ARID3A: variants seen among roughly 807,000 people sequenced by gnomAD.
The protein encoded by ARID3A is AT-rich interaction domain 3A.
In ARID3A, 11 loss-of-function variants were observed where a neutral mutation model predicts 52.7. The ratio of observed to expected loss-of-function variants is 0.21; its 90% confidence interval spans 0.13 to 0.35. The LOEUF (loss-of-function observed/expected upper bound fraction) is 0.35, where lower values mean the gene tolerates loss of function less well. Ranked by LOEUF, ARID3A falls within the 10% of genes least tolerant of loss-of-function variation. ARID3A has a pLI of 1.00. For missense variants in ARID3A, 721 were observed against 838.5 expected (o/e 0.86, Z 1.73); for synonymous variants, 404 against 359.4 (o/e 1.12, Z -1.40).
rs938610644 is a variant in ARID3A at position 930,278 on chromosome 19, G to C, written c.368+382G>C. ...AGAAAAATGGTTTTTTTAGCCGGGT[G>C]CTGTGGCTTACGCCCGTAATCCCAG... On this transcript the variant is annotated intron_variant, in intron 2 of 8. Coordinates refer to ENST00000263620, the MANE Select transcript of ARID3A (RefSeq NM_005224.3). Among the ~76,000 whole-genome samples, 4 of 152,050 alleles carry C rather than the reference G, an allele frequency of 2.6e-5. No individual in the cohort carries two copies. In the East Asian group the frequency reaches 7.9e-4, roughly 30 times the overall value.
Position 965,262 on chromosome 19 carries a change from A to AT in ARID3A, c.1198+186dup, listed in dbSNP as rs143194189. 2.5e-3 allele frequency: 1,683 copies of AT among 680,952 alleles called. 31 individuals are homozygous for AT. The African/African-American group carries it at 0.026, about 11-fold the overall frequency. 42.2% of individuals were successfully genotyped at this position (680,952 alleles called of 1,614,324 possible). On this transcript the variant is annotated intron_variant, in intron 6 of 8. Coordinates refer to ENST00000263620, the MANE Select transcript of ARID3A (RefSeq NM_005224.3). ...TGGCAGACATTACCAATCCATCACCATTTTCTAATTCCACACAGGTGGCAG... is the reference window on the plus strand; with the variant it reads ...TGGCAGACATTACCAATCCATCACCATTTTTCTAATTCCACACAGGTGGCAG...
In ARID3A at chr19:929,317, C is replaced by T. The variant is rs571450886; in HGVS notation, c.-212C>T. 30 of 517,480 alleles carry T rather than the reference C, an allele frequency of 5.8e-5. No homozygotes were observed. In the East Asian group the frequency reaches 1.6e-3, roughly 27 times the overall value. 32.1% of individuals were successfully genotyped at this position (517,480 alleles called of 1,614,324 possible). On this transcript the variant is annotated 5_prime_UTR_variant, in exon 2 of 9. Transcript: ENST00000263620. This position sits in a 1 kb window ranked among gnomAD's most constrained non-coding sequence, Gnocchi z 6.2. ...CCAGCCTCTGTCCCCTGGAGCCCAG[C>T]GTGAGGAAGAGGCATGCCCCATCAG...
intron 3 of ARID3A, among the ~76,000 whole-genome samples, chr19:936,557 G>T (rs2037443117): frequency 6.6e-6 from 1 of 151,828 alleles, no homozygotes; most frequent in Non-Finnish European, 1.5e-5. Flanking sequence ...AAATAAGAAG[G>T]ATAGGGTGGG....
Position 972,891 on chromosome 19 carries a change from G to A in ARID3A, c.*826G>A, listed in dbSNP as rs2038310446. The A allele has an allele frequency of 5.2e-6, 1 of 193,536 alleles. No homozygotes were observed. The highest frequency in any genetic ancestry group is 7.7e-5 in the East Asian group (1 of 12,908). The allele number at this position is 193,536 out of a possible 1,614,324, so 12.0% of individuals were successfully genotyped here. A position where few individuals can be genotyped will look rare whatever the true frequency, so the allele number is the denominator to read the frequency against. ...TCCCTTTGTCCATTTCTGGGGGTGCGTTGGGCAGCTGTGAGCCCAGCACAT... is the reference window on the plus strand; with the variant it reads ...TCCCTTTGTCCATTTCTGGGGGTGCATTGGGCAGCTGTGAGCCCAGCACAT... On this transcript the variant is annotated 3_prime_UTR_variant, in exon 9 of 9. Coordinates refer to ENST00000263620, the MANE Select transcript of ARID3A (RefSeq NM_005224.3).
At chr19:969,573 T>C (rs948489885) in intron 8 of ARID3A, among the ~76,000 whole-genome samples, 4 of 151,686 alleles carry the variant, frequency 2.6e-5, no homozygotes, top group African/African-American at 9.7e-5. Flanking sequence ...GATATATCGA[T>C]AGATATAGCT....
chr19:964,353 A>C lies in ARID3A; in HGVS notation c.872A>C (p.Lys291Thr). The C allele has an allele frequency of 6.2e-7, 1 of 1,614,074 alleles. No individual in the cohort carries two copies. Among genetic ancestry groups the C allele is most frequent in the Non-Finnish European group, 8.5e-7 (1 of 1,179,986 alleles). ...GGCGGCCTCGTGGAGGTCATCAACA[A>C]GAAGCTGTGGCGTGAGATCACCAAG... ...EKGGLVEVIN[K>T]KLWREITKGL... is the part of the protein sequence containing the mutation. The change falls in exon 5 of 9, where the codon AAG (lysine) becomes ACG (threonine). Residue 291 changes from lysine to threonine, a missense_variant. Lys to Thr is a moderately conservative substitution (Grantham distance 78). Transcript: ENST00000263620. This position sits in a 1 kb window ranked among gnomAD's most constrained non-coding sequence, Gnocchi z 5.7.
chr19:928,989 C>G (rs1288654802), intron 1 of ARID3A: 1 of 152,520 alleles, frequency 6.6e-6, no homozygotes. Flanking sequence ...CCCATTCCCC[C>G]ACCCTGCTTG....
rs200677284 is a variant in ARID3A at position 932,712 on chromosome 19, C to T, written c.663C>T (p.Gly221=). ...CGCAGCTGCAGCCGCCTGACCACGG[C>T]GACTGGACTTACGAGGAGCAGTTTA... ...VAPQLQPPDH[G]DWTYEEQFKQ... is the part of the protein sequence containing the mutation. Residue 221 remains glycine (G), a synonymous_variant, in exon 3 of 9, where the codon GGC becomes GGT. Coordinates refer to ENST00000263620, the MANE Select transcript of ARID3A (RefSeq NM_005224.3). 113 of 1,547,246 alleles carry T rather than the reference C, an allele frequency of 7.3e-5. No individual in the cohort carries two copies. In the East Asian group the frequency reaches 1.3e-3, roughly 18 times the overall value.
rs35592836 is a variant in ARID3A, at chr19:948,702, CTTTTTTTTTTTT to C, written c.694-11376_694-11365del. Among the ~76,000 whole-genome samples the C allele has an allele frequency of 1.5e-3, 116 of 77,298 alleles. 1 individual carries two copies. Among genetic ancestry groups the C allele is most frequent in the African/African-American group, 5.8e-3 (111 of 19,056 alleles). 50.7% of individuals were successfully genotyped at this position (77,298 alleles called of 152,430 possible). A position where few individuals can be genotyped will look rare whatever the true frequency, so the allele number is the denominator to read the frequency against. ...GGGGACGAGGGATGAGGCCTGGAGT[CTTTTTTTTTTTT>C]TTTTTTTTTTTTTGAGACAAAGTTT... On this transcript the variant is annotated intron_variant, in intron 3 of 8. Transcript: ENST00000263620.
chr19:930,718 C>T (rs1235949221), intron 2 of ARID3A, among the ~76,000 whole-genome samples: 6 of 150,634 alleles, frequency 4.0e-5, no homozygotes, highest in African/African-American at 2.4e-5. Context: ...ACCATGTTAG[C>T]CAAGATGGTC....
chr19:929,724 C>A lies in ARID3A; in HGVS notation c.196C>A (p.Arg66=), dbSNP rs747883380. The A allele has an allele frequency of 1.3e-6, 2 of 1,560,592 alleles. No individual in the cohort carries two copies. The highest frequency in any genetic ancestry group is 8.6e-7 in the Non-Finnish European group (1 of 1,161,114). The change falls in exon 2 of 9, where the codon CGG becomes AGG. Residue 66 remains arginine (R), a synonymous_variant. Transcript: ENST00000263620. The surrounding 1 kb of genome is among the most constrained non-coding windows in gnomAD (Gnocchi z 6.2). ...RAQMAALAAM[R]AAAAGLGHPA... is the part of the protein sequence containing the mutation. Reference sequence around the variant, plus strand: ...TCAGATGGCCGCACTGGCAGCCATGCGGGCTGCAGCTGCGGGCCTGGGACA... The same window carrying A: ...TCAGATGGCCGCACTGGCAGCCATGAGGGCTGCAGCTGCGGGCCTGGGACA...
intron 3 of ARID3A, among the ~76,000 whole-genome samples, chr19:946,059 C>T (rs1049833856): frequency 1.3e-5 from 2 of 151,930 alleles, no homozygotes; most frequent in Non-Finnish European, 2.9e-5. Context: ...ATGAGGCTCG[C>T]GGAGGCAGGG....
Position 942,700 on chromosome 19 carries a change from G to A in ARID3A, c.693+9958G>A, listed in dbSNP as rs2037582632. Among the ~76,000 whole-genome samples, 1 of 152,192 alleles carries A rather than the reference G, an allele frequency of 6.6e-6. No homozygotes were observed. The highest frequency in any genetic ancestry group is 2.4e-5 in the African/African-American group (1 of 41,452). ...CTGGTTCTGGCCAGGCTCAGGAAGTGAGCTCCCTGGGGACCCAGGCCCCAT... is the reference window on the plus strand; with the variant it reads ...CTGGTTCTGGCCAGGCTCAGGAAGTAAGCTCCCTGGGGACCCAGGCCCCAT... On this transcript the variant is annotated intron_variant, in intron 3 of 8. Coordinates refer to ENST00000263620, the MANE Select transcript of ARID3A (RefSeq NM_005224.3). This position sits in a 1 kb window ranked among gnomAD's most constrained non-coding sequence, Gnocchi z 8.1.
At position 964,558 on chromosome 19, in the gene ARID3A, GCACAGGGCCACAC is replaced by G; in HGVS notation, c.950+129_950+141del. On this transcript the variant is annotated intron_variant, in intron 5 of 8. Coordinates refer to ENST00000263620, the MANE Select transcript of ARID3A (RefSeq NM_005224.3). The surrounding 1 kb of genome is among the most constrained non-coding windows in gnomAD (Gnocchi z 5.7). ...AGGGGGCAGTGGGCAGCCGCAAAGG[GCACAGGGCCACAC>G]CGTGCGTCCAGGGCCCGAGAGCGTC... 7.6e-7 allele frequency: 1 copy of G among 1,318,490 alleles called. No homozygotes were observed. Among genetic ancestry groups the G allele is most frequent in the South Asian group, 1.4e-5 (1 of 68,976 alleles). The allele number at this position is 1,318,490 out of a possible 1,614,324, so 81.7% of individuals were successfully genotyped here.
rs1045104173 is a variant in ARID3A, at chr19:942,567, C to T, written c.693+9825C>T. On this transcript the variant is annotated intron_variant, in intron 3 of 8. Transcript: ENST00000263620. This position sits in a 1 kb window ranked among gnomAD's most constrained non-coding sequence, Gnocchi z 8.1. ...ATCTGGCCATTGAAGGCCCAAGCGC[C>T]GGGATATGCAGCCTTGCCCCTTGGT... Among the ~76,000 whole-genome samples, 6 of 152,194 alleles carry T rather than the reference C, an allele frequency of 3.9e-5. No individual in the cohort carries two copies. The highest frequency in any genetic ancestry group is 7.2e-5 in the African/African-American group (3 of 41,454).
Position 971,970 on chromosome 19 carries a change from G to A in ARID3A, c.1687G>A (p.Gly563Ser), listed in dbSNP as rs779323045. Reference sequence around the variant, plus strand: ...CGGCGGCAGCAGCAGCAACGCAGGCGGCCGGGGAGGAAACACCGGAACCAG... The same window carrying A: ...CGGCGGCAGCAGCAGCAACGCAGGCAGCCGGGGAGGAAACACCGGAACCAG... ...GGGGSSSNAG[G>S]RGGNTGTSGG... The change falls in exon 9 of 9, where the codon GGC becomes AGC. Residue 563 changes from glycine (G) to serine (S), a missense_variant. Transcript: ENST00000263620. 27 of 1,602,264 alleles carry A rather than the reference G, an allele frequency of 1.7e-5. No homozygotes were observed. The highest frequency in any genetic ancestry group is 5.1e-5 in the Admixed American group (3 of 58,362).
chr19:971,924 C>T lies in ARID3A; in HGVS notation c.1641C>T (p.Pro547=). ...QPPAPTPTSA[P]NKGGGGGGGS... ...CGGCCCCCACGCCAACCTCTGCTCCCAACAAAGGAGGCGGCGGCGGCGGCG... is the reference window on the plus strand; with the variant it reads ...CGGCCCCCACGCCAACCTCTGCTCCTAACAAAGGAGGCGGCGGCGGCGGCG... Residue 547 remains proline, a synonymous_variant, in exon 9 of 9, where the codon CCC becomes CCT. Transcript: ENST00000263620. 1.2e-6 allele frequency: 2 copies of T among 1,604,092 alleles called. No homozygotes were observed. Among genetic ancestry groups the T allele is most frequent in the Non-Finnish European group, 1.7e-6 (2 of 1,175,584 alleles).
At position 929,575 on chromosome 19, in the gene ARID3A, G is replaced by A. The variant is rs775391208; in HGVS notation, c.47G>A (p.Arg16Gln). Residue 16 changes from arginine (R) to glutamine (Q), a missense_variant, in exon 2 of 9, where the codon CGG becomes CAG. Transcript: ENST00000263620. This position sits in a 1 kb window ranked among gnomAD's most constrained non-coding sequence, Gnocchi z 6.2. ...VMETLLQRQQ[R>Q]ARQELEARQQ... ...GAGACGCTGTTGCAGCGGCAGCAGCGGGCGCGCCAGGAGCTGGAGGCCCGG... is the reference window on the plus strand; with the variant it reads ...GAGACGCTGTTGCAGCGGCAGCAGCAGGCGCGCCAGGAGCTGGAGGCCCGG... The A allele has an allele frequency of 9.8e-5, 150 of 1,523,292 alleles. No individual in the cohort carries two copies. Among genetic ancestry groups the A allele is most frequent in the Admixed American group, 1.8e-4 (9 of 50,492 alleles). 94.4% of individuals were successfully genotyped at this position (1,523,292 alleles called of 1,614,324 possible). A position where few individuals can be genotyped will look rare whatever the true frequency, so the allele number is the denominator to read the frequency against.
chr19:969,535 C>T (rs774894889), intron 8 of ARID3A, among the ~76,000 whole-genome samples: 12 of 151,580 alleles, frequency 7.9e-5, no homozygotes, highest in Non-Finnish European at 1.2e-4. Flanking sequence ...AGATCCCGTC[C>T]TTCTCTCTCT....
Sources: gnomAD v4.1 joint callset for allele counts (sites outside exome capture counted in the v4.1 genomes callset) on GRCh38, gnomAD v4.1.1 for gene constraint, Gnocchi (gnomAD v3.1) non-coding constraint, MANE v1.5 for transcripts, NCBI Gene and HGNC (gene_info 2026-07-23, HGNC 2026-07-21) for gene names.